The following TAS2R1 variants were observed in gnomAD, a reference collection of about 807,000 sequenced individuals.
TAS2R1 encodes the protein taste 2 receptor member 1.
For missense variants in TAS2R1, 370 were observed against 353.4 expected (o/e 1.05, Z -0.38); for synonymous variants, 141 against 134.2 (o/e 1.05, Z -0.35).
chr5:9,861,950 A>T, the TAS2R1 span, among the ~76,000 whole-genome samples: 51 of 152,364 alleles, frequency 3.3e-4, no homozygotes, highest in African/African-American at 1.2e-3. Context: ...ATTGAGTTCA[A>T]TGATGATGCG....
At chr5:9,654,561 C>A (rs772558596) in intron 2 of TAS2R1, among the ~76,000 whole-genome samples, 2 of 152,080 alleles carry the variant, frequency 1.3e-5, no homozygotes, top group Non-Finnish European at 2.9e-5. Context: ...TGATAATCAG[C>A]CCATGGGAAT....
At chr5:9,639,029 C>G (rs1343910822) in intron 2 of TAS2R1, among the ~76,000 whole-genome samples, 1 of 152,200 alleles carries the variant, frequency 6.6e-6, no homozygotes, top group African/African-American at 2.4e-5. Context: ...GCATGGCTTT[C>G]AGACCTAGCC....
At chr5:9,697,075 G>T (rs73037642) in intron 1 of TAS2R1, among the ~76,000 whole-genome samples, 1 of 151,938 alleles carries the variant, frequency 6.6e-6, no homozygotes, top group South Asian at 2.1e-4. Flanking sequence ...GGAGGACGAG[G>T]AGAAGGAGAA....
At chr5:9,715,707 G>C (rs1471151339), upstream of TAS2R1, among the ~76,000 whole-genome samples, 1 of 152,214 alleles carries the variant, frequency 6.6e-6, no homozygotes, top group Non-Finnish European at 1.5e-5. Context: ...GAACAGAAGA[G>C]CTTTGAACTG....
chr5:9,708,557 T>C (rs1272773102), intron 1 of TAS2R1, among the ~76,000 whole-genome samples: 1 of 152,160 alleles, frequency 6.6e-6, no homozygotes, highest in African/African-American at 2.4e-5. Flanking sequence ...TCACATACTA[T>C]TTATATGGAA....
chr5:9,763,275 C>T, the TAS2R1 span, among the ~76,000 whole-genome samples: 1 of 152,084 alleles, frequency 6.6e-6, no homozygotes, highest in Non-Finnish European at 1.5e-5. Context: ...GAGGCCGAGG[C>T]GGGTGGATCA....
At chr5:9,649,441 C>A (rs916698656) in intron 2 of TAS2R1, among the ~76,000 whole-genome samples, 1 of 152,176 alleles carries the variant, frequency 6.6e-6, no homozygotes, top group Non-Finnish European at 1.5e-5. Context: ...TGTATGACCT[C>A]ATTGTAGTTG....
rs1001296562 is a variant in TAS2R1 at position 9,705,867 on chromosome 5, C to A, written c.-242+6305G>T. 5.3e-5 allele frequency among the ~76,000 whole-genome samples: 8 copies of A among 151,236 alleles called. No individual in the cohort carries two copies. The South Asian group carries it at 8.4e-4, about 16-fold the overall frequency. On this transcript the variant is annotated intron_variant, in intron 1 of 2. Transcript: ENST00000506620. ...ACAAGAGTGAAACTCCATCCCCCCC[C>A]AAAAAAAGACTTTTAGTGCTAAAAC...
the TAS2R1 span, among the ~76,000 whole-genome samples, chr5:9,822,101 T>G: frequency 6.6e-6 from 1 of 152,194 alleles, no homozygotes; most frequent in Admixed American, 6.5e-5. Flanking sequence ...GTTCTTTTCC[T>G]TTAATACACT....
chr5:9,868,527 T>C, the TAS2R1 span, among the ~76,000 whole-genome samples: 2 of 152,174 alleles, frequency 1.3e-5, no homozygotes, highest in African/African-American at 4.8e-5. Flanking sequence ...AGGGGGGCCC[T>C]GGGCCTGGCC....
At chr5:9,746,470 T>G in the TAS2R1 span, among the ~76,000 whole-genome samples, 2 of 152,190 alleles carry the variant, frequency 1.3e-5, no homozygotes, top group African/African-American at 4.8e-5. Flanking sequence ...TGCACACATA[T>G]GTTTATTGAA....
upstream of TAS2R1, chr5:9,714,126 G>T (rs2126535242): frequency 6.6e-6 from 1 of 152,242 alleles, no homozygotes; most frequent in East Asian, 1.9e-4. Context: ...ATGGCTTTAT[G>T]TCAGAAATCA....
chr5:9,791,983 G>C, the TAS2R1 span, among the ~76,000 whole-genome samples: 16 of 152,328 alleles, frequency 1.1e-4, no homozygotes, highest in East Asian at 3.1e-3. Context: ...AAGAGAACGA[G>C]ATGTGTTGGA....
At chr5:9,868,280 C>A in the TAS2R1 span, among the ~76,000 whole-genome samples, 4 of 152,246 alleles carry the variant, frequency 2.6e-5, no homozygotes, top group African/African-American at 7.2e-5. Context: ...GAGGGCCCTG[C>A]CCCTGAAGCA....
At chr5:9,655,981 C>T (rs1740410227) in intron 2 of TAS2R1, among the ~76,000 whole-genome samples, 1 of 151,884 alleles carries the variant, frequency 6.6e-6, no homozygotes, top group South Asian at 2.1e-4. Context: ...AGGTAGCTTC[C>T]CCTGACTCTC....
chr5:9,769,617 A>G, the TAS2R1 span, among the ~76,000 whole-genome samples: 2 of 152,212 alleles, frequency 1.3e-5, no homozygotes, highest in African/African-American at 4.8e-5. Flanking sequence ...AACTGGAGTA[A>G]GATAATATCT....
chr5:9,843,806 A>C, the TAS2R1 span, among the ~76,000 whole-genome samples: 16 of 152,204 alleles, frequency 1.1e-4, no homozygotes, highest in African/African-American at 3.9e-4. Context: ...ACTGGTCTTC[A>C]ACATAGTTGC....
the TAS2R1 span, among the ~76,000 whole-genome samples, chr5:9,834,112 G>A: frequency 3.9e-5 from 6 of 152,158 alleles, no homozygotes; most frequent in Non-Finnish European, 7.3e-5. Flanking sequence ...CTGGAAGAGC[G>A]TAAGGTCCCT....
chr5:9,762,821 A>G, the TAS2R1 span, among the ~76,000 whole-genome samples: 1 of 152,222 alleles, frequency 6.6e-6, no homozygotes, highest in Non-Finnish European at 1.5e-5. Context: ...CCCTGCCTCT[A>G]AACTTACTTA....
Sources: allele counts gnomAD v4.1 joint callset (sites outside exome capture counted in the v4.1 genomes callset), GRCh38; gene constraint gnomAD v4.1.1; transcripts MANE v1.5; gene names NCBI Gene and HGNC (gene_info 2026-07-23, HGNC 2026-07-21).